The following SREK1IP1 variants were observed in gnomAD, a reference collection of about 807,000 sequenced individuals.
SREK1IP1 encodes the protein protein SREK1IP1.
SREK1IP1 carries 12 observed loss-of-function variants against 22.8 expected under a neutral mutation model. The observed-to-expected ratio is 0.53, with a 90% CI of 0.34 to 0.85. The LOEUF is 0.85. Among genes scored for constraint, SREK1IP1 ranks in the 40% least tolerant of loss-of-function variants. The pLI is 0.02. For synonymous variants in SREK1IP1, 53 were observed against 52.7 expected (o/e 1.01, Z -0.02); for missense variants, 147 against 171.8 (o/e 0.86, Z 0.81).
At chr5:64,768,434 C>A (rs1743104344) in intron 1 of SREK1IP1, 71 bp downstream of exon 1, 16 of 1,604,216 alleles carry the variant, frequency 1.0e-5, no homozygotes, top group South Asian at 9.9e-5. Flanking sequence ...CCGTACACGC[C>A]GCACCCTACC....
intron 1 of SREK1IP1, among the ~76,000 whole-genome samples, chr5:64,762,820 G>A (rs1174918216): frequency 6.6e-6 from 1 of 152,156 alleles, no homozygotes; most frequent in Admixed American, 6.5e-5. Flanking sequence ...GGGAGGCTGA[G>A]GTGGGTGGAT....
intron 1 of SREK1IP1, among the ~76,000 whole-genome samples, chr5:64,755,111 G>A (rs1281341470): frequency 6.6e-6 from 1 of 151,936 alleles, no homozygotes; most frequent in Non-Finnish European, 1.5e-5. Flanking sequence ...GACTGTTGGT[G>A]GGAATGTAAA....
At chr5:64,755,171 A>G (rs985600552) in intron 1 of SREK1IP1, among the ~76,000 whole-genome samples, 1 of 152,096 alleles carries the variant, frequency 6.6e-6, no homozygotes, top group Non-Finnish European at 1.5e-5. Context: ...AAAGAACTTA[A>G]AACAGCACTA....
At chr5:64,730,491 A>G (rs765028232) in intron 3 of SREK1IP1, among the ~76,000 whole-genome samples, 24 of 152,204 alleles carry the variant, frequency 1.6e-4, no homozygotes, top group Non-Finnish European at 2.6e-4. Context: ...CTGAAGGAAT[A>G]AAATTCTTGA....
intron 1 of SREK1IP1, among the ~76,000 whole-genome samples, chr5:64,757,978 T>C (rs562750386): frequency 3.1e-4 from 46 of 148,136 alleles, no homozygotes; most frequent in East Asian, 1.5e-3. Flanking sequence ...CACACCATTC[T>C]CCTGCCTCAG....
At position 64,768,563 on chromosome 5, in the gene SREK1IP1, C is replaced by G. The variant is rs1184908335; in HGVS notation, c.-46G>C. On this transcript the variant is annotated 5_prime_UTR_variant, in exon 1 of 5. Transcript: ENST00000513458. ...CTCGAGCCTCTGGCTTTCGAAAAGG[C>G]GCTTGCTTCCCGCCAGCTGTGAGAA... is the stretch of plus-strand genomic sequence containing the variant. 2 of 1,613,824 alleles carry G rather than the reference C, an allele frequency of 1.2e-6. No homozygotes were observed. The highest frequency in any genetic ancestry group is 3.3e-5 in the Admixed American group (2 of 60,004).
rs1389512368 is a variant in SREK1IP1 at position 64,718,872 on chromosome 5, T to C, written c.*5512A>G. 1 of 152,204 alleles carries C rather than the reference T, an allele frequency of 6.6e-6. No homozygotes were observed. Among genetic ancestry groups the C allele is most frequent in the African/African-American group, 2.4e-5 (1 of 41,466 alleles). The allele number at this position is 152,204 out of a possible 1,614,324, so 9.4% of individuals were successfully genotyped here. A position where few individuals can be genotyped will look rare whatever the true frequency, so the allele number is the denominator to read the frequency against. ...TCCTGTAGTTTTTGTAGTCAGAAAC[T>C]AGCATTTCAGACAAGATCTGGCACA... On this transcript the variant is annotated 3_prime_UTR_variant, in exon 5 of 5. Coordinates refer to ENST00000513458, the MANE Select transcript of SREK1IP1 (RefSeq NM_173829.4).
In SREK1IP1 at chr5:64,724,537, T is replaced by C; in HGVS notation, c.315A>G (p.Ser105=). The C allele has an allele frequency of 1.3e-6, 2 of 1,585,294 alleles. No individual in the cohort carries two copies. Among genetic ancestry groups the C allele is most frequent in the Non-Finnish European group, 8.5e-7 (1 of 1,172,912 alleles). ...TCTGATATTTTTGTTTCTTTTGTTT[T>C]GAAGTGTCCTCTTCAGTGGAACTGG... is the stretch of plus-strand genomic sequence containing the variant. ...YSSSSTEEDT[S]KQKKQKYQKK... The change falls in exon 5 of 5, where the codon TCA becomes TCG. Residue 105 remains serine, a synonymous_variant. Coordinates refer to ENST00000513458, the MANE Select transcript of SREK1IP1 (RefSeq NM_173829.4).
intron 4 of SREK1IP1, among the ~76,000 whole-genome samples, chr5:64,726,739 G>A (rs978725477): frequency 1.3e-5 from 2 of 152,044 alleles, no homozygotes; most frequent in African/African-American, 4.8e-5. Flanking sequence ...ACTTACATTA[G>A]CCTCTAGTTG....
chr5:64,753,757 T>C (rs1188053512), intron 2 of SREK1IP1, among the ~76,000 whole-genome samples: 2 of 152,244 alleles, frequency 1.3e-5, no homozygotes, highest in Non-Finnish European at 2.9e-5. Flanking sequence ...CATTACTATA[T>C]TTAACTAAAG....
At chr5:64,733,664 CATAGAA>C (rs1742413630) in intron 3 of SREK1IP1, among the ~76,000 whole-genome samples, 2 of 152,032 alleles carry the variant, frequency 1.3e-5, no homozygotes, top group Non-Finnish European at 2.9e-5. Context: ...GCATATGTCT[CATAGAA>C]ATAAAGACTT....
intron 2 of SREK1IP1, among the ~76,000 whole-genome samples, chr5:64,749,903 C>T (rs16893103): frequency 0.046 from 7,058 of 152,194 alleles, 539 homozygotes; most frequent in African/African-American, 0.16. Flanking sequence ...TTGGCTCTTC[C>T]TTGAGGGCAT....
At chr5:64,764,560 T>G (rs1262482964) in intron 1 of SREK1IP1, among the ~76,000 whole-genome samples, 2 of 151,870 alleles carry the variant, frequency 1.3e-5, no homozygotes, top group African/African-American at 2.4e-5. Flanking sequence ...TGCTTGGGAG[T>G]GTGCACTGCA....
chr5:64,720,261 G>A lies in SREK1IP1; in HGVS notation c.*4123C>T, dbSNP rs1190624245. 3 of 152,068 alleles carry A rather than the reference G, an allele frequency of 2.0e-5. No homozygotes were observed. Among genetic ancestry groups the A allele is most frequent in the African/African-American group, 7.2e-5 (3 of 41,402 alleles). 9.4% of individuals were successfully genotyped at this position (152,068 alleles called of 1,614,324 possible). A position where few individuals can be genotyped will look rare whatever the true frequency, so the allele number is the denominator to read the frequency against. Reference sequence around the variant, plus strand: ...GTATGTACATGTACATATAACTCTGGGGATGGATCTAATAAAGAATACAGT... The same window carrying A: ...GTATGTACATGTACATATAACTCTGAGGATGGATCTAATAAAGAATACAGT... On this transcript the variant is annotated 3_prime_UTR_variant, in exon 5 of 5. Coordinates refer to ENST00000513458, the MANE Select transcript of SREK1IP1 (RefSeq NM_173829.4).
At chr5:64,750,018 T>A (rs187921836) in intron 2 of SREK1IP1, among the ~76,000 whole-genome samples, 1 of 152,338 alleles carries the variant, frequency 6.6e-6, no homozygotes, top group Non-Finnish European at 1.5e-5. Flanking sequence ...AGCTCCCTGC[T>A]GCAGGTTAAC....
chr5:64,725,781 G>A (rs1742251306), intron 4 of SREK1IP1, among the ~76,000 whole-genome samples: 1 of 149,994 alleles, frequency 6.7e-6, no homozygotes, highest in South Asian at 2.1e-4. Context: ...CTTGACCTCT[G>A]GATTCTGACT....
intron 4 of SREK1IP1, among the ~76,000 whole-genome samples, chr5:64,726,547 G>A (rs1421055012): frequency 1.4e-5 from 2 of 147,894 alleles, no homozygotes; most frequent in African/African-American, 5.0e-5. Context: ...CTGGACTCCA[G>A]CCTGGGCAAC....
In SREK1IP1 at chr5:64,754,366, A is replaced by T. The variant is rs763689420; in HGVS notation, c.14-4T>A. The stretch of plus-strand genomic sequence containing the variant: ...CTGACACTGTCCTTGTTGCAACCTG[A>T]AATACAATTGGATAGAATTTTAGGA... On this transcript the variant is annotated splice_region_variant and splice_polypyrimidine_tract_variant and intron_variant, in intron 1 of 4. Transcript: ENST00000513458. 1 of 1,613,570 alleles carries T rather than the reference A, an allele frequency of 6.2e-7. No homozygotes were observed. Among genetic ancestry groups the T allele is most frequent in the South Asian group, 1.1e-5 (1 of 91,012 alleles).
intron 1 of SREK1IP1, among the ~76,000 whole-genome samples, chr5:64,757,861 C>CTT (rs59456636): frequency 0.28 from 20,575 of 72,734 alleles, 6,872 homozygotes; most frequent in Non-Finnish European, 0.35. Context: ...AGGTTCCTAT[C>CTT]TTTTTTTTTT....
Sources: gnomAD v4.1 joint callset for allele counts (sites outside exome capture counted in the v4.1 genomes callset) on GRCh38, gnomAD v4.1.1 for gene constraint, MANE v1.5 for transcripts, NCBI Gene and HGNC (gene_info 2026-07-23, HGNC 2026-07-21) for gene names.